FANCM: variants seen among roughly 807,000 people sequenced by gnomAD.
The protein encoded by FANCM is Fanconi anemia group M protein.
FANCM carries 140 observed loss-of-function variants against 199.5 expected under a neutral mutation model. That is an observed-to-expected ratio of 0.70 (90% CI 0.61 to 0.81). The LOEUF (loss-of-function observed/expected upper bound fraction) is 0.81. Ranked by LOEUF, FANCM falls within the 30% of genes least tolerant of loss-of-function variation. FANCM has a pLI of 0.00. For synonymous variants in FANCM, 840 were observed against 836.8 expected, an observed-to-expected ratio of 1.00 and a Z score of -0.07; for missense variants, 2,410 against 2,421.4, an observed-to-expected ratio of 1.00 and a Z score of 0.10.
rs2139319149 is a variant in FANCM, at chr14:45,196,239, C to T, written c.5408C>T (p.Ala1803Val). The change falls in exon 21 of 23, where the codon GCT (alanine) becomes GTT (valine). Residue 1803 changes from alanine (A) to valine (V), a missense_variant. Coordinates refer to ENST00000267430, the MANE Select transcript of FANCM (RefSeq NM_020937.4). ...ASCSKSRPHL[A>V]GTHTSLRLPQ... ...TGTTCCAAGTCAAGACCACATTTAG[C>T]TGGGACACATACTTCTCTTAGACTT... The T allele has an allele frequency of 6.2e-7, 1 of 1,613,876 alleles. No homozygotes were observed. The highest frequency in any genetic ancestry group is 1.1e-5 in the South Asian group (1 of 91,070).
intron 4 of FANCM, 53 bp from the exon 5 acceptor site, chr14:45,151,344 C>T: frequency 6.6e-7 from 1 of 1,518,280 alleles, no homozygotes; most frequent in South Asian, 1.1e-5. Flanking sequence ...AATGATTGTA[C>T]TTGAAAAAGG....
At chr14:45,163,090 T>A (rs1480023826) in intron 9 of FANCM, among the ~76,000 whole-genome samples, 1 of 152,256 alleles carries the variant, frequency 6.6e-6, no homozygotes, top group Non-Finnish European at 1.5e-5. Context: ...TTATATTTAT[T>A]GTCCTACTTT....
chr14:45,172,009 A>G (rs970301550), intron 12 of FANCM, among the ~76,000 whole-genome samples: 1 of 151,070 alleles, frequency 6.6e-6, no homozygotes, highest in Non-Finnish European at 1.5e-5. Context: ...CACCACATCC[A>G]CTCCAACATC....
intron 12 of FANCM, 75 bp from the exon 13 acceptor site, chr14:45,172,980 T>G: frequency 9.4e-7 from 1 of 1,061,444 alleles, no homozygotes. Flanking sequence ...TATATGTATA[T>G]TGAGTGTTTT....
intron 20 of FANCM, among the ~76,000 whole-genome samples, chr14:45,193,383 T>C (rs1278525145): frequency 6.6e-6 from 1 of 152,170 alleles, no homozygotes; most frequent in Non-Finnish European, 1.5e-5. Flanking sequence ...ATACTCCTAG[T>C]GCTCCCTCCC....
chr14:45,153,992 C>A lies in FANCM; in HGVS notation c.1123C>A (p.Gln375Lys). 1.3e-6 allele frequency: 2 copies of A among 1,589,956 alleles called. No individual in the cohort carries two copies. The highest frequency in any genetic ancestry group is 1.7e-6 in the Non-Finnish European group (2 of 1,158,110). Reference protein sequence around the residue: ...ISLYHGYELLQQMGMRSLYFF... With the variant: ...ISLYHGYELLKQMGMRSLYFF... Reference sequence around the variant, plus strand: ...TTTATATCATGGTTATGAATTATTGCAGCAAATGGGAATGAGATCATTATA... The same window carrying A: ...TTTATATCATGGTTATGAATTATTGAAGCAAATGGGAATGAGATCATTATA... Residue 375 changes from glutamine to lysine, a missense_variant, in exon 6 of 23, where the codon CAG becomes AAG. Physicochemically the swap from Gln to Lys is moderately conservative, Grantham distance 53. Coordinates refer to ENST00000267430, the MANE Select transcript of FANCM (RefSeq NM_020937.4).
At chr14:45,170,106 A>G (rs756099321) in intron 11 of FANCM, among the ~76,000 whole-genome samples, 5 of 152,184 alleles carry the variant, frequency 3.3e-5, no homozygotes, top group African/African-American at 4.8e-5. Flanking sequence ...AAAGAGTCCA[A>G]AAGAAGCCAG....
rs1270701063 is a variant in FANCM at position 45,153,943 on chromosome 14, G to C, written c.1074G>C (p.Glu358Asp). ...NIVGIQQGII[E>D]GEFAICISLY... Reference sequence around the variant, plus strand: ...AGGGAATACAACAAGGCATAATCGAGGGAGAGTTTGCTATTTGTATTAGTT... The same window carrying C: ...AGGGAATACAACAAGGCATAATCGACGGAGAGTTTGCTATTTGTATTAGTT... The change falls in exon 6 of 23, where the codon GAG becomes GAC. Residue 358 changes from glutamate to aspartate, a missense_variant. Transcript: ENST00000267430. 6 of 1,608,364 alleles carry C rather than the reference G, an allele frequency of 3.7e-6. No homozygotes were observed. The Admixed American group carries it at 1.0e-4, about 27-fold the overall frequency.
intron 2 of FANCM, among the ~76,000 whole-genome samples, chr14:45,138,658 A>G (rs1014611231): frequency 7.9e-5 from 12 of 152,334 alleles, no homozygotes; most frequent in African/African-American, 2.6e-4. Flanking sequence ...TTCAAACTGT[A>G]TGGAATACGT....
intron 1 of FANCM, among the ~76,000 whole-genome samples, chr14:45,136,754 C>T (rs1286214571): frequency 6.6e-6 from 1 of 152,184 alleles, no homozygotes; most frequent in East Asian, 1.9e-4. Flanking sequence ...TGTGCGTATA[C>T]CCCATGGGTA....
At chr14:45,192,688 G>A (rs1261079921) in intron 20 of FANCM, among the ~76,000 whole-genome samples, 3 of 151,890 alleles carry the variant, frequency 2.0e-5, no homozygotes, top group Non-Finnish European at 4.4e-5. Context: ...AATTAGCCTG[G>A]CATGCTGGTG....
At position 45,176,416 on chromosome 14, in the gene FANCM, T is replaced by C. The variant is rs1350824740; in HGVS notation, c.3662T>C (p.Phe1221Ser). 4.3e-6 allele frequency: 7 copies of C among 1,613,232 alleles called. No homozygotes were observed. The highest frequency in any genetic ancestry group is 5.9e-6 in the Non-Finnish European group (7 of 1,179,924). ...AAAGTGAAGAATCATGAGGATATTT[T>C]TGATTGCTCTAGGGATTTATTTTCT... is the stretch of plus-strand genomic sequence containing the variant. ...EEKVKNHEDI[F>S]DCSRDLFSVT... is the part of the protein sequence containing the mutation. The change falls in exon 14 of 23, where the codon TTT becomes TCT. Residue 1221 changes from phenylalanine to serine, a missense_variant. Transcript: ENST00000267430.
At position 45,200,493 on chromosome 14, in the gene FANCM, G is replaced by C. The variant is rs1388720656; in HGVS notation, c.*485G>C. The C allele has an allele frequency of 6.5e-6, 1 of 153,290 alleles. No homozygotes were observed. The highest frequency in any genetic ancestry group is 2.4e-5 in the African/African-American group (1 of 41,454). The allele number at this position is 153,290 out of a possible 1,614,324, so 9.5% of individuals were successfully genotyped here. A position where few individuals can be genotyped will look rare whatever the true frequency, so the allele number is the denominator to read the frequency against. ...GTGAGATAAATGACCCAGTAACTAGGAAAGTAGAAAACTTAACTGAATGTT... is the reference window on the plus strand; with the variant it reads ...GTGAGATAAATGACCCAGTAACTAGCAAAGTAGAAAACTTAACTGAATGTT... On this transcript the variant is annotated 3_prime_UTR_variant, in exon 23 of 23. Transcript: ENST00000267430.
At position 45,167,121 on chromosome 14, in the gene FANCM, C is replaced by T. The variant is rs112784867; in HGVS notation, c.1960C>T (p.Arg654Trp). ...TGTCTATGAACCAGAGAAGCCTTCTCGGAACTTGCAGCGAAAGTCATCTAT... is the reference window on the plus strand; with the variant it reads ...TGTCTATGAACCAGAGAAGCCTTCTTGGAACTTGCAGCGAAAGTCATCTAT... ...HGVYEPEKPS[R>W]NLQRKSSIFS... Residue 654 changes from arginine (R) to tryptophan (W), a missense_variant, in exon 11 of 23, where the codon CGG becomes TGG. By Grantham distance (101) the Arg-to-Trp change is moderately radical. Coordinates refer to ENST00000267430, the MANE Select transcript of FANCM (RefSeq NM_020937.4). 3.1e-5 allele frequency: 50 copies of T among 1,613,700 alleles called. No individual in the cohort carries two copies. The highest frequency in any genetic ancestry group is 3.1e-4 in the African/African-American group (23 of 75,022).
intron 14 of FANCM, among the ~76,000 whole-genome samples, chr14:45,177,485 A>G (rs566763304): frequency 2.1e-4 from 32 of 152,102 alleles, no homozygotes; most frequent in African/African-American, 7.2e-4. Flanking sequence ...TCCGCCTCCC[A>G]GGTTCAAGTG....
intron 5 of FANCM, among the ~76,000 whole-genome samples, chr14:45,152,763 C>T (rs541872719): frequency 5.7e-4 from 86 of 152,164 alleles, no homozygotes; most frequent in African/African-American, 1.7e-3. Flanking sequence ...ACCACGAAAC[C>T]GGATATGATA....
Position 45,159,093 on chromosome 14 carries a change from T to C in FANCM, c.1397-3T>C. ...TAATTAAAGTTTTTATATATATATA[T>C]AGCTGAAAACACTACTGAAAAGAAA... On this transcript the variant is annotated splice_polypyrimidine_tract_variant and splice_region_variant and intron_variant, in intron 8 of 22. Coordinates refer to ENST00000267430, the MANE Select transcript of FANCM (RefSeq NM_020937.4). The C allele has an allele frequency of 6.6e-7, 1 of 1,525,536 alleles. No homozygotes were observed. Among genetic ancestry groups the C allele is most frequent in the Non-Finnish European group, 9.0e-7 (1 of 1,109,208 alleles). 94.5% of individuals were successfully genotyped at this position (1,525,536 alleles called of 1,614,324 possible). A position where few individuals can be genotyped will look rare whatever the true frequency, so the allele number is the denominator to read the frequency against.
At position 45,175,336 on chromosome 14, in the gene FANCM, TA is replaced by T. The variant is rs768006618; in HGVS notation, c.2589del (p.Asp864IlefsTer12). On this transcript the variant is annotated frameshift_variant, in exon 14 of 23. Coordinates refer to ENST00000267430, the MANE Select transcript of FANCM (RefSeq NM_020937.4). LOFTEE classifies it high-confidence loss of function. ...VSLKKKVSKE[I>X]KKDQLKKENN... ...TTAAAGAAAAAAGTGTCTAAAGAAA[TA>T]AAAAAAGATCAGCTTAAAAAAGAAA... 1 of 1,555,708 alleles carries T rather than the reference TA, an allele frequency of 6.4e-7. No individual in the cohort carries two copies.
rs1473863520 is a variant in FANCM, at chr14:45,197,459, ATTTTTTTTTTGTT to A, written c.5716+924_5716+936del. Among the ~76,000 whole-genome samples the A allele has an allele frequency of 3.1e-4, 45 of 143,562 alleles. 1 individual carries two copies. In the South Asian group the frequency reaches 9.8e-3, roughly 31 times the overall value. The allele number at this position is 143,562 out of a possible 152,430, so 94.2% of individuals were successfully genotyped here. A position where few individuals can be genotyped will look rare whatever the true frequency, so the allele number is the denominator to read the frequency against. ...AGTCATTTTATCTTTTGGTTACCCAATTTTTTTTTTGTTTTTTTTTTTTGAGACAGAGTCTCGC... is the reference window on the plus strand; with the variant it reads ...AGTCATTTTATCTTTTGGTTACCCAATTTTTTTTTTGAGACAGAGTCTCGC... On this transcript the variant is annotated intron_variant, in intron 21 of 22. Coordinates refer to ENST00000267430, the MANE Select transcript of FANCM (RefSeq NM_020937.4).
Sources: allele counts gnomAD v4.1 joint callset (sites outside exome capture counted in the v4.1 genomes callset), GRCh38; gene constraint gnomAD v4.1.1; transcripts MANE v1.5; gene names NCBI Gene and HGNC (gene_info 2026-07-23, HGNC 2026-07-21).